Variants in BANP observed in about 807,000 individuals in gnomAD.
BANP encodes protein BANP.
A neutral mutation model predicts 68.1 loss-of-function variants in BANP; 11 were observed. The observed-to-expected ratio is 0.16, with a 90% CI of 0.10 to 0.27. The LOEUF is 0.27. BANP is among the 10% of genes least tolerant of loss of function. The pLI, the probability that BANP is intolerant of heterozygous loss-of-function variation, is 1.00. For synonymous variants in BANP, 329 were observed against 303.2 expected (o/e 1.09, Z -0.88); for missense variants, 504 against 722.7 (o/e 0.70, Z 3.47).
At chr16:88,022,864 G>C (rs916646485) in intron 7 of BANP, among the ~76,000 whole-genome samples, 20 of 152,152 alleles carry the variant, frequency 1.3e-4, no homozygotes, top group Admixed American at 1.3e-3. Context: ...CACTGGATTT[G>C]GAGCTCCCTC....
Position 87,975,065 on chromosome 16 carries a change from C to G in BANP, c.-51C>G, listed in dbSNP as rs1479464435. The stretch of plus-strand genomic sequence containing the variant: ...TTTGGTAGGTGACCAAAAGCCAGCC[C>G]CACTGTGAGTTGAACTCTTTCGTGT... On this transcript the variant is annotated 5_prime_UTR_variant, in exon 2 of 14. Coordinates refer to ENST00000682872, the MANE Select transcript of BANP (RefSeq NM_001386991.1). The G allele has an allele frequency of 3.9e-6, 6 of 1,538,036 alleles. No individual in the cohort carries two copies. The highest frequency in any genetic ancestry group is 5.4e-6 in the Non-Finnish European group (6 of 1,112,570).
intron 1 of BANP, among the ~76,000 whole-genome samples, chr16:87,974,659 A>G (rs2061695016): frequency 6.6e-6 from 1 of 152,112 alleles, no homozygotes; most frequent in Non-Finnish European, 1.5e-5. Flanking sequence ...TGAGTGTAGC[A>G]GGGCTGAGGC....
At chr16:88,072,565 A>G (rs7499536) in intron 13 of BANP, among the ~76,000 whole-genome samples, 4 of 152,276 alleles carry the variant, frequency 2.6e-5, no homozygotes, top group Non-Finnish European at 5.9e-5. Flanking sequence ...TCCCTGCCCC[A>G]CTCGTTGAAG....
At chr16:87,954,391 A>C (rs554299765) in intron 1 of BANP, among the ~76,000 whole-genome samples, 1 of 152,300 alleles carries the variant, frequency 6.6e-6, no homozygotes, top group Non-Finnish European at 1.5e-5. Context: ...ATGTCACTTA[A>C]AAAAAGTGTT....
intron 7 of BANP, among the ~76,000 whole-genome samples, chr16:88,020,890 C>T (rs1167967639): frequency 6.6e-6 from 1 of 152,184 alleles, no homozygotes; most frequent in Admixed American, 6.5e-5. Context: ...GTGACAGGGG[C>T]ATGGCAGGGC....
intron 11 of BANP, among the ~76,000 whole-genome samples, chr16:88,063,041 A>G (rs928893739): frequency 6.6e-6 from 1 of 152,178 alleles, no homozygotes; most frequent in East Asian, 1.9e-4. Flanking sequence ...GCCCAAATCC[A>G]CAAACTATAT....
At position 88,033,251 on chromosome 16, in the gene BANP, T is replaced by C; in HGVS notation, c.1200+6T>C. 6.3e-7 allele frequency: 1 copy of C among 1,580,052 alleles called. No homozygotes were observed. Among genetic ancestry groups the C allele is most frequent in the Non-Finnish European group, 8.6e-7 (1 of 1,157,238 alleles). ...AAGACGGACAGGTGCAAGTAGTACG[T>C]ACCCTCTCCACCTCACACCTTGGGA... On this transcript the variant is annotated splice_donor_region_variant and intron_variant, in intron 9 of 13. Coordinates refer to ENST00000682872, the MANE Select transcript of BANP (RefSeq NM_001386991.1).
chr16:87,950,560 G>C (rs190805499), upstream of BANP: 207 of 151,890 alleles, frequency 1.4e-3, no homozygotes, highest in Non-Finnish European at 2.4e-3. Context: ...TCAGCCTCCC[G>C]AGTAGTTGGG....
chr16:87,967,124 T>A (rs1320144043), intron 1 of BANP, among the ~76,000 whole-genome samples: 4 of 152,206 alleles, frequency 2.6e-5, no homozygotes, highest in African/African-American at 9.6e-5. Flanking sequence ...CACCCACAGC[T>A]GTCGTGGGCT....
chr16:88,068,021 T>A (rs1375540821), intron 12 of BANP, among the ~76,000 whole-genome samples: 2 of 150,630 alleles, frequency 1.3e-5, no homozygotes, highest in Non-Finnish European at 2.9e-5. Flanking sequence ...ACACGCCACG[T>A]GTGTGATGAG....
intron 7 of BANP, among the ~76,000 whole-genome samples, chr16:88,027,266 T>A (rs910887739): frequency 9.2e-5 from 14 of 152,124 alleles, no homozygotes; most frequent in African/African-American, 3.1e-4. Flanking sequence ...GACACCTTAG[T>A]GAGCATTTAT....
chr16:88,012,352 G>T (rs1328427461), intron 6 of BANP, among the ~76,000 whole-genome samples: 2 of 152,220 alleles, frequency 1.3e-5, no homozygotes, highest in African/African-American at 4.8e-5. Flanking sequence ...AAAGCCAGAT[G>T]AAAATTAATT....
chr16:88,027,261 C>T (rs761449543), intron 7 of BANP, among the ~76,000 whole-genome samples: 2 of 151,938 alleles, frequency 1.3e-5, no homozygotes, highest in Non-Finnish European at 2.9e-5. Flanking sequence ...GTCATGACAC[C>T]TTAGTGAGCA....
At chr16:87,970,909 C>G (rs929719919) in intron 1 of BANP, among the ~76,000 whole-genome samples, 5 of 151,236 alleles carry the variant, frequency 3.3e-5, no homozygotes, top group Non-Finnish European at 7.4e-5. Flanking sequence ...CACAGCTACT[C>G]GGGAGGCTGA....
At chr16:88,041,905 C>T (rs1263281680) in intron 11 of BANP, among the ~76,000 whole-genome samples, 1 of 152,216 alleles carries the variant, frequency 6.6e-6, no homozygotes, top group Non-Finnish European at 1.5e-5. Context: ...GCGCAAGAAC[C>T]ACAGAGCCTG....
At chr16:88,050,585 C>A (rs1413210280) in intron 11 of BANP, among the ~76,000 whole-genome samples, 1 of 152,194 alleles carries the variant, frequency 6.6e-6, no homozygotes, top group Admixed American at 6.5e-5. Flanking sequence ...CCAGACCTGG[C>A]GGAATTAGGA....
At chr16:88,031,193 A>T (rs1314348779) in intron 8 of BANP, among the ~76,000 whole-genome samples, 1 of 152,186 alleles carries the variant, frequency 6.6e-6, no homozygotes, top group African/African-American at 2.4e-5. Context: ...ATGACCCATC[A>T]CTGGAGGTGC....
Position 87,995,161 on chromosome 16 carries a change from C to G in BANP, c.363-9134C>G, listed in dbSNP as rs551082318. 3.7e-3 allele frequency among the ~76,000 whole-genome samples: 569 copies of G among 152,322 alleles called. 3 individuals are homozygous for G. The highest frequency in any genetic ancestry group is 0.013 in the African/African-American group (526 of 41,560). ...CATCAATGGAGTCTGGCCACAGGGC[C>G]GTGTGTGCGCACAATGGGCTTGGGA... On this transcript the variant is annotated intron_variant, in intron 4 of 13. Coordinates refer to ENST00000682872, the MANE Select transcript of BANP (RefSeq NM_001386991.1).
chr16:87,965,225 G>A (rs1248904278), intron 1 of BANP, among the ~76,000 whole-genome samples: 6 of 152,176 alleles, frequency 3.9e-5, no homozygotes, highest in Admixed American at 3.3e-4. Context: ...ATCAGGCCCT[G>A]TGGTGGGGAG....
Sources: allele counts gnomAD v4.1 joint callset (sites outside exome capture counted in the v4.1 genomes callset), GRCh38; gene constraint gnomAD v4.1.1; transcripts MANE v1.5; gene names NCBI Gene and HGNC (gene_info 2026-07-23, HGNC 2026-07-21).